PTPRG: variants seen among roughly 807,000 people sequenced by gnomAD.
PTPRG encodes receptor-type tyrosine-protein phosphatase gamma.
A neutral mutation model predicts 165.3 loss-of-function variants in PTPRG; 102 were observed. The observed-to-expected ratio is 0.62, with a 90% CI of 0.53 to 0.73. PTPRG has a LOEUF of 0.73. PTPRG is among the 30% of genes least tolerant of loss of function. The pLI is 0.00. For missense variants in PTPRG, 1,866 were observed against 1,861.4 expected, an observed-to-expected ratio of 1.00 and a Z score of -0.05; for synonymous variants, 675 against 669.5, an observed-to-expected ratio of 1.01 and a Z score of -0.13.
At chr3:62,051,280 A>G (rs988367217) in intron 4 of PTPRG, among the ~76,000 whole-genome samples, 2 of 152,186 alleles carry the variant, frequency 1.3e-5, no homozygotes, top group African/African-American at 4.8e-5. Flanking sequence ...CTAATTTCAA[A>G]GTCAGTTGCT....
At chr3:62,253,224 A>G (rs763799452) in intron 15 of PTPRG, among the ~76,000 whole-genome samples, 2 of 152,082 alleles carry the variant, frequency 1.3e-5, no homozygotes, top group Non-Finnish European at 2.9e-5. Flanking sequence ...GTTTTTTCTT[A>G]TTTTGAACTA....
At chr3:61,692,864 T>C (rs944296516) in intron 1 of PTPRG, among the ~76,000 whole-genome samples, 1 of 152,158 alleles carries the variant, frequency 6.6e-6, no homozygotes. Context: ...CTTGGGCTCA[T>C]AGGCCTGACA....
At chr3:61,572,224 C>A (rs143246689) in intron 1 of PTPRG, among the ~76,000 whole-genome samples, 1 of 152,126 alleles carries the variant, frequency 6.6e-6, no homozygotes, top group African/African-American at 2.4e-5. Flanking sequence ...TAATGGAATG[C>A]CTATAAGCTA....
chr3:61,844,778 CAGGCAT>C (rs2036759221), intron 2 of PTPRG, among the ~76,000 whole-genome samples: 1 of 151,916 alleles, frequency 6.6e-6, no homozygotes, highest in South Asian at 2.1e-4. Flanking sequence ...GCTGGGATTA[CAGGCAT>C]GAGCCACCAC....
chr3:62,244,299 AC>A (rs1701239278), intron 15 of PTPRG, among the ~76,000 whole-genome samples: 1 of 152,236 alleles, frequency 6.6e-6, no homozygotes, highest in Non-Finnish European at 1.5e-5. Context: ...ATAGAGGAAT[AC>A]ATTACTGGTC....
chr3:62,158,517 A>G (rs1251656303), intron 7 of PTPRG, among the ~76,000 whole-genome samples: 4 of 152,134 alleles, frequency 2.6e-5, no homozygotes, highest in Non-Finnish European at 5.9e-5. Context: ...GTCTGAATAG[A>G]CATTGGCCAA....
At chr3:61,699,198 T>G (rs2030802223) in intron 1 of PTPRG, among the ~76,000 whole-genome samples, 1 of 152,020 alleles carries the variant, frequency 6.6e-6, no homozygotes, top group Non-Finnish European at 1.5e-5. Flanking sequence ...AAATTATTTT[T>G]CAGATGAGAT....
chr3:61,600,173 A>AATATAT (rs1218233993), intron 1 of PTPRG, among the ~76,000 whole-genome samples: 2 of 123,484 alleles, frequency 1.6e-5, no homozygotes, highest in African/African-American at 6.0e-5. Context: ...AAAAAAAAAA[A>AATATAT]ATATATATAT....
intron 2 of PTPRG, chr3:61,749,927 T>C (rs910223969): frequency 6.7e-6 from 1 of 149,076 alleles, no homozygotes; most frequent in Non-Finnish European, 1.5e-5. Context: ...CCTGAATTTC[T>C]CCCAGCAAAT....
intron 2 of PTPRG, among the ~76,000 whole-genome samples, chr3:61,946,474 A>G (rs2039763615): frequency 6.6e-6 from 1 of 152,282 alleles, no homozygotes; most frequent in East Asian, 1.9e-4. Flanking sequence ...AGAGCATCAA[A>G]CCCCACAGCC....
chr3:61,879,466 T>G (rs985974196), intron 2 of PTPRG, among the ~76,000 whole-genome samples: 1 of 152,148 alleles, frequency 6.6e-6, no homozygotes, highest in African/African-American at 2.4e-5. Context: ...TATTTTATTC[T>G]TTTTGATTTT....
Position 61,781,835 on chromosome 3 carries a change from C to T in PTPRG, c.190+32853C>T, listed in dbSNP as rs147762136. On this transcript the variant is annotated intron_variant, in intron 2 of 29. Coordinates refer to ENST00000474889, the MANE Select transcript of PTPRG (RefSeq NM_002841.4). ...CTCAGCCTCCCAGGCTCGAGCGATC[C>T]TCCTGCCTCAGCCTCCCAAGTAGCT... Among the ~76,000 whole-genome samples, 380 of 151,716 alleles carry T rather than the reference C, an allele frequency of 2.5e-3. 1 individual carries two copies. Among genetic ancestry groups the T allele is most frequent in the African/African-American group, 8.8e-3 (362 of 41,360 alleles).
chr3:62,110,089 C>CTTT (rs371457716), intron 5 of PTPRG, among the ~76,000 whole-genome samples: 1,974 of 79,904 alleles, frequency 0.025, 112 homozygotes, highest in Middle Eastern at 0.069. Context: ...GAAATAATGG[C>CTTT]TTTTTTTTTT....
chr3:62,296,132 G>C lies in PTPRG; in HGVS notation c.*2825G>C, dbSNP rs1703054573. 1 of 151,974 alleles carries C rather than the reference G, an allele frequency of 6.6e-6. No homozygotes were observed. The highest frequency in any genetic ancestry group is 1.5e-5 in the Non-Finnish European group (1 of 67,950). The allele number at this position is 151,974 out of a possible 1,614,324, so 9.4% of individuals were successfully genotyped here. Reference sequence around the variant, plus strand: ...AAGAAAAGACATGCTGTTGCCATCAGGAGAACTCTTTCTTATATGCGATAG... The same window carrying C: ...AAGAAAAGACATGCTGTTGCCATCACGAGAACTCTTTCTTATATGCGATAG... On this transcript the variant is annotated 3_prime_UTR_variant, in exon 30 of 30. Coordinates refer to ENST00000474889, the MANE Select transcript of PTPRG (RefSeq NM_002841.4).
chr3:61,683,903 G>C (rs1030582574), intron 1 of PTPRG, among the ~76,000 whole-genome samples: 1 of 152,220 alleles, frequency 6.6e-6, no homozygotes, highest in Non-Finnish European at 1.5e-5. Flanking sequence ...TAGAAATTAT[G>C]TGATTATCGT....
intron 28 of PTPRG, among the ~76,000 whole-genome samples, chr3:62,291,575 T>C (rs547137319): frequency 2.7e-4 from 41 of 152,288 alleles, no homozygotes; most frequent in African/African-American, 9.6e-4. Flanking sequence ...ATTAAAGATA[T>C]AAAACATGTA....
intron 1 of PTPRG, among the ~76,000 whole-genome samples, chr3:61,691,284 G>A (rs920418858): frequency 5.3e-5 from 8 of 152,132 alleles, no homozygotes; most frequent in African/African-American, 1.7e-4. Context: ...GCACATACCT[G>A]TAGTCCCATC....
chr3:61,936,038 G>A (rs1371636750), intron 2 of PTPRG, among the ~76,000 whole-genome samples: 3 of 152,124 alleles, frequency 2.0e-5, no homozygotes, highest in Admixed American at 1.3e-4. Flanking sequence ...ATGAAGTGCT[G>A]TCTTGCCCTT....
At chr3:61,703,458 G>A (rs961703888) in intron 1 of PTPRG, among the ~76,000 whole-genome samples, 1 of 152,152 alleles carries the variant, frequency 6.6e-6, no homozygotes, top group African/African-American at 2.4e-5. Flanking sequence ...CGTAGTATGG[G>A]CATTAATGGT....
Sources: allele counts gnomAD v4.1 joint callset (sites outside exome capture counted in the v4.1 genomes callset), GRCh38; gene constraint gnomAD v4.1.1; transcripts MANE v1.5; gene names NCBI Gene and HGNC (gene_info 2026-07-23, HGNC 2026-07-21).